The following FBXO7 variants were observed in gnomAD, a reference collection of about 807,000 sequenced individuals.
FBXO7 encodes the protein F-box only protein 7.
In FBXO7, 31 loss-of-function variants were observed where a neutral mutation model predicts 50.2. The observed-to-expected ratio is 0.62, with a 90% confidence interval of 0.46 to 0.83. The LOEUF is 0.83. FBXO7 is among the 40% of genes least tolerant of loss of function. The pLI is 0.00. For synonymous variants in FBXO7, 256 were observed against 253.1 expected, an observed-to-expected ratio of 1.01 and a Z score of -0.11; for missense variants, 667 against 646.6, an observed-to-expected ratio of 1.03 and a Z score of -0.34.
chr22:32,480,674 CTTT>C (rs369355883), intron 2 of FBXO7, among the ~76,000 whole-genome samples: 8 of 145,406 alleles, frequency 5.5e-5, no homozygotes, highest in Admixed American at 2.1e-4. Flanking sequence ...TTTTTCCCAC[CTTT>C]TTTTTTTTTG....
intron 6 of FBXO7, 117 bp downstream of exon 6, chr22:32,491,298 C>T (rs2057533860): frequency 1.3e-6 from 1 of 749,714 alleles, no homozygotes; most frequent in South Asian, 1.5e-5. Context: ...CGAAATGTTC[C>T]TCTTCTAAGA....
At chr22:32,479,872 C>CT (rs2057453626) in intron 2 of FBXO7, among the ~76,000 whole-genome samples, 1 of 152,196 alleles carries the variant, frequency 6.6e-6, no homozygotes, top group African/African-American at 2.4e-5. Flanking sequence ...CCTTGCTTCT[C>CT]TGATCTGGTC....
At chr22:32,493,381 G>A in intron 7 of FBXO7, 100 bp downstream of exon 7, 1 of 954,152 alleles carries the variant, frequency 1.0e-6, no homozygotes, top group South Asian at 1.3e-5. Flanking sequence ...TGTTGCAAAT[G>A]ATTACAATAA....
chr22:32,479,542 G>T (rs1337939325), intron 2 of FBXO7, among the ~76,000 whole-genome samples: 7 of 151,556 alleles, frequency 4.6e-5, no homozygotes, highest in African/African-American at 1.7e-4. Context: ...GACTAGAGGT[G>T]CACACCACCA....
intron 2 of FBXO7, among the ~76,000 whole-genome samples, chr22:32,479,732 G>A (rs1306608182): frequency 6.6e-6 from 1 of 151,994 alleles, no homozygotes; most frequent in Non-Finnish European, 1.5e-5. Context: ...TTTTTTAACT[G>A]CCAAATGCCT....
At chr22:32,475,544 T>C in intron 1 of FBXO7, 1 of 1,000,814 alleles carries the variant, frequency 1.0e-6, no homozygotes. Flanking sequence ...CCGAGTTAAT[T>C]TCTTCAGCTG....
At chr22:32,495,431 A>T in intron 7 of FBXO7, 62 bp from the exon 8 acceptor site, 1 of 1,136,316 alleles carries the variant, frequency 8.8e-7, no homozygotes, top group South Asian at 1.3e-5. Context: ...AACAAAACCC[A>T]CTGTTTAATG....
chr22:32,498,333 G>A lies in FBXO7; in HGVS notation c.1372G>A (p.Gly458Arg). 6.2e-7 allele frequency: 1 copy of A among 1,614,090 alleles called. No homozygotes were observed. The highest frequency in any genetic ancestry group is 1.1e-5 in the South Asian group (1 of 91,084). ...CCAAAGACCAACACTTCCCTATGTT[G>A]GAGACCCAATCAGTTCACTCATTCC... ...YDQRPTLPYVGDPISSLIPGP... is the reference protein window; with the variant it reads ...YDQRPTLPYVRDPISSLIPGP... Residue 458 changes from glycine (G) to arginine (R), a missense_variant, in exon 9 of 9, where the codon GGA becomes AGA. Gly to Arg is a moderately radical substitution (Grantham distance 125). Transcript: ENST00000266087.
chr22:32,488,664 CT>C (rs2057514674), intron 5 of FBXO7: 1 of 152,160 alleles, frequency 6.6e-6, no homozygotes, highest in Non-Finnish European at 1.5e-5. Context: ...CTTTGAAGGC[CT>C]AAAGGCTTAT....
chr22:32,483,104 C>T (rs1226768804), intron 2 of FBXO7, among the ~76,000 whole-genome samples: 1 of 152,206 alleles, frequency 6.6e-6, no homozygotes, highest in Non-Finnish European at 1.5e-5. Flanking sequence ...CTGCATTTCT[C>T]AGTGTCCTCT....
In FBXO7 at chr22:32,491,273, CT is replaced by C. The variant is rs2057533699; in HGVS notation, c.967+96del. On this transcript the variant is annotated intron_variant, in intron 6 of 8. Transcript: ENST00000266087. The stretch of plus-strand genomic sequence containing the variant: ...GGTGAGTATGACATCTGACTGCCCT[CT>C]TTTCTGCTCCTGGCGAAATGTTCCT... The C allele has an allele frequency of 4.5e-6, 4 of 898,444 alleles. No homozygotes were observed. In the South Asian group the frequency reaches 5.5e-5, roughly 12 times the overall value. 55.7% of individuals were successfully genotyped at this position (898,444 alleles called of 1,614,324 possible).
At chr22:32,494,588 G>T (rs540268942) in intron 7 of FBXO7, among the ~76,000 whole-genome samples, 1 of 151,392 alleles carries the variant, frequency 6.6e-6, no homozygotes, top group South Asian at 2.1e-4. Flanking sequence ...ACTCAAAAAA[G>T]AATTGAAAAT....
chr22:32,487,882 G>GA (rs1162982327), intron 5 of FBXO7, 54 bp downstream of exon 5: 5 of 1,101,760 alleles, frequency 4.5e-6, no homozygotes, highest in African/African-American at 1.6e-5. Flanking sequence ...ATTCATATAA[G>GA]AAAAAAATCT....
intron 2 of FBXO7, among the ~76,000 whole-genome samples, chr22:32,479,586 G>T (rs1373414209): frequency 6.6e-6 from 1 of 151,996 alleles, no homozygotes; most frequent in South Asian, 2.1e-4. Flanking sequence ...TAGTAGAGAC[G>T]GGGTTTCAGC....
chr22:32,495,664 T>C (rs1165621060), intron 8 of FBXO7, 134 bp downstream of exon 8: 1 of 454,252 alleles, frequency 2.2e-6, no homozygotes. Flanking sequence ...TTTCAGTAAA[T>C]GAAAATGTTT....
Position 32,498,264 on chromosome 22 carries a change from C to T in FBXO7, c.1303C>T (p.Pro435Ser). Residue 435 changes from proline (P) to serine (S), a missense_variant, in exon 9 of 9, where the codon CCT becomes TCT. Transcript: ENST00000266087. ...YPNPLHPRPF[P>S]SSRLPPGIIG... ...CAACCCCTTGCACCCTAGGCCATTT[C>T]CTAGCTCCCGCCTTCCTCCAGGAAT... 1 of 1,614,228 alleles carries T rather than the reference C, an allele frequency of 6.2e-7. No homozygotes were observed.
chr22:32,496,412 G>A (rs1451521691), intron 8 of FBXO7, among the ~76,000 whole-genome samples: 1 of 152,148 alleles, frequency 6.6e-6, no homozygotes, highest in Non-Finnish European at 1.5e-5. Flanking sequence ...AACCCAGGAG[G>A]TGGAGGTTGC....
At chr22:32,478,886 A>G in intron 1 of FBXO7, 95 bp from the exon 2 acceptor site, 2 of 1,184,010 alleles carry the variant, frequency 1.7e-6, no homozygotes, top group Non-Finnish European at 2.5e-6. Flanking sequence ...TAGTTCTTCT[A>G]GGGTCATACT....
chr22:32,484,599 G>A (rs1053010360), intron 3 of FBXO7, among the ~76,000 whole-genome samples: 1 of 152,040 alleles, frequency 6.6e-6, no homozygotes, highest in East Asian at 1.9e-4. Flanking sequence ...GGAGAGAGAT[G>A]AATAAAAAGA....
Sources: allele counts gnomAD v4.1 joint callset (sites outside exome capture counted in the v4.1 genomes callset), GRCh38; gene constraint gnomAD v4.1.1; transcripts MANE v1.5; gene names NCBI Gene and HGNC (gene_info 2026-07-23, HGNC 2026-07-21).